The following MLIP variants were observed in gnomAD, a reference collection of about 807,000 sequenced individuals.
MLIP encodes the protein muscular LMNA interacting protein.
Under a neutral mutation model 84.8 loss-of-function variants are expected in MLIP, and 79 were observed. The ratio of observed to expected loss-of-function variants is 0.93; its 90% CI spans 0.78 to 1.12. MLIP has a LOEUF of 1.12. Among genes scored for constraint, MLIP ranks in the 50% most tolerant of loss-of-function variants. The probability of loss-of-function intolerance (pLI) is 0.00; values close to 1 mark genes in which losing one functional copy is unlikely to be tolerated. For synonymous variants in MLIP, 504 were observed against 463.0 expected (o/e 1.09, Z -1.14); for missense variants, 1,257 against 1,160.6 (o/e 1.08, Z -1.21).
chr6:54,131,322 A>G (rs1771358472), intron 3 of MLIP, among the ~76,000 whole-genome samples: 1 of 152,206 alleles, frequency 6.6e-6, no homozygotes, highest in Non-Finnish European at 1.5e-5. Flanking sequence ...TAAAGCCAGC[A>G]ACAGAGAAAA....
intron 1 of MLIP, among the ~76,000 whole-genome samples, chr6:54,036,875 G>A (rs190564228): frequency 8.5e-5 from 13 of 152,104 alleles, no homozygotes; most frequent in Non-Finnish European, 7.4e-5. Flanking sequence ...TTGGGTCTCT[G>A]ATATGTTTTT....
chr6:54,108,895 C>T (rs994291225), upstream of MLIP, among the ~76,000 whole-genome samples: 1 of 151,930 alleles, frequency 6.6e-6, no homozygotes. Context: ...CGTTTGAATC[C>T]ACCTGGAATA....
At position 54,160,773 on chromosome 6, in the gene MLIP, A is replaced by G. The variant is rs1271166030; in HGVS notation, c.2473A>G (p.Thr825Ala). The G allele has an allele frequency of 1.2e-6, 2 of 1,604,772 alleles. No homozygotes were observed. The highest frequency in any genetic ancestry group is 8.5e-7 in the Non-Finnish European group (1 of 1,172,762). Reference protein sequence around the residue: ...SSDSPSRSPKTLLGSDTVKTP... With the variant: ...SSDSPSRSPKALLGSDTVKTP... ...TGATTCTCCTTCAAGGTCCCCAAAG[A>G]CATTGTTGGGTTCTGACACAGTCAA... is the stretch of plus-strand genomic sequence containing the variant. Residue 825 changes from threonine (T) to alanine (A), a missense_variant, in exon 8 of 14, where the codon ACA becomes GCA. Coordinates refer to ENST00000502396, the MANE Select transcript of MLIP (RefSeq NM_001281747.2).
At chr6:54,217,359 T>A in intron 11 of MLIP, 1 of 985,426 alleles carries the variant, frequency 1.0e-6, no homozygotes, top group Non-Finnish European at 1.2e-6. Flanking sequence ...CCTTTGATGT[T>A]GCAATGGAAA....
chr6:54,219,346 T>C (rs925485339), intron 11 of MLIP, among the ~76,000 whole-genome samples: 5 of 146,796 alleles, frequency 3.4e-5, no homozygotes, highest in African/African-American at 1.3e-4. Context: ...GGATTTTTTT[T>C]CTTTTTTTTT....
intron 1 of MLIP, chr6:54,019,158 T>A: frequency 1.3e-6 from 2 of 1,524,372 alleles, no homozygotes; most frequent in Non-Finnish European, 1.8e-6. Flanking sequence ...GCAACTGTCA[T>A]AGACTGGAAA....
At chr6:54,150,304 T>C (rs186326071) in intron 5 of MLIP, among the ~76,000 whole-genome samples, 4 of 152,286 alleles carry the variant, frequency 2.6e-5, no homozygotes, top group Admixed American at 1.3e-4. Context: ...CCCTAGCATC[T>C]CTCCTGAATT....
At chr6:54,132,790 A>G (rs1771491074) in intron 3 of MLIP, among the ~76,000 whole-genome samples, 1 of 152,186 alleles carries the variant, frequency 6.6e-6, no homozygotes, top group Admixed American at 6.5e-5. Flanking sequence ...TGAATTGAGA[A>G]AACCTCCCCT....
chr6:54,222,091 G>A (rs1395731127), intron 11 of MLIP, among the ~76,000 whole-genome samples: 1 of 151,854 alleles, frequency 6.6e-6, no homozygotes, highest in Non-Finnish European at 1.5e-5. Context: ...ATTAAAAATT[G>A]TATATATTTT....
At chr6:54,153,618 A>G (rs1163896870) in intron 5 of MLIP, among the ~76,000 whole-genome samples, 2 of 151,942 alleles carry the variant, frequency 1.3e-5, no homozygotes, top group African/African-American at 4.8e-5. Context: ...GAGGCCGAGG[A>G]GGGTGGATCA....
rs190261722 is a variant in MLIP, at chr6:54,102,057, C to A, written c.64-19390C>A. Among the ~76,000 whole-genome samples the A allele has an allele frequency of 2.8e-4, 43 of 152,222 alleles. 1 individual carries two copies. The highest frequency in any genetic ancestry group is 9.4e-4 in the African/African-American group (39 of 41,560). ...GTATTTCTGCCCTTCTTATCACCTT[C>A]CTATAAATGTATATCTCTAAAGTAA... is the stretch of plus-strand genomic sequence containing the variant. On this transcript the variant is annotated intron_variant, in intron 1 of 12. Coordinates refer to the MLIP transcript ENST00000274897.
chr6:54,177,953 C>T (rs1776465347), intron 9 of MLIP, among the ~76,000 whole-genome samples: 2 of 152,096 alleles, frequency 1.3e-5, no homozygotes, highest in Admixed American at 1.3e-4. Context: ...AACAGAAAAC[C>T]AAACACCACA....
At chr6:54,224,445 C>T (rs1040171560) in intron 11 of MLIP, among the ~76,000 whole-genome samples, 1 of 151,784 alleles carries the variant, frequency 6.6e-6, no homozygotes, top group Admixed American at 6.6e-5. Context: ...AAAAGTTACC[C>T]TCAAAAAGCT....
chr6:54,252,083 A>ACTATAT (rs1782620775), intron 12 of MLIP, among the ~76,000 whole-genome samples: 5 of 82,276 alleles, frequency 6.1e-5, no homozygotes, highest in African/African-American at 2.5e-4. Context: ...ATAATATATA[A>ACTATAT]TATAAATATA....
chr6:54,091,551 T>C (rs555505027), intron 1 of MLIP, among the ~76,000 whole-genome samples: 10 of 152,236 alleles, frequency 6.6e-5, no homozygotes, highest in African/African-American at 2.2e-4. Context: ...GTCTTGCCTA[T>C]AGGATAGAAG....
intron 12 of MLIP, among the ~76,000 whole-genome samples, chr6:54,255,039 T>C (rs547542519): frequency 1.3e-5 from 2 of 152,108 alleles, no homozygotes; most frequent in Non-Finnish European, 2.9e-5. Flanking sequence ...TTCATAGTTA[T>C]ACCAGCCAGC....
rs115100041 is a variant in MLIP at position 54,063,080 on chromosome 6, C to A, written c.63+43989C>A. Reference sequence around the variant, plus strand: ...AATTATCCGGTCGTGGTGGCGTACGCCTGTAATCCCAGCTACTTGGGAGGC... The same window carrying A: ...AATTATCCGGTCGTGGTGGCGTACGACTGTAATCCCAGCTACTTGGGAGGC... On this transcript the variant is annotated intron_variant, in intron 1 of 12. Transcript: ENST00000274897. Among the ~76,000 whole-genome samples, 1,169 of 152,152 alleles carry A rather than the reference C, an allele frequency of 7.7e-3. 13 individuals are homozygous for A. Among genetic ancestry groups the A allele is most frequent in the Middle Eastern group, 0.027 (8 of 294 alleles).
intron 13 of MLIP, among the ~76,000 whole-genome samples, chr6:54,260,752 T>A (rs760797995): frequency 3.4e-4 from 51 of 152,156 alleles, no homozygotes; most frequent in Middle Eastern, 3.4e-3. Flanking sequence ...TGTGTTGAGA[T>A]CCACTGTAAT....
chr6:54,260,789 T>G (rs1174188748), intron 13 of MLIP, among the ~76,000 whole-genome samples: 1 of 152,012 alleles, frequency 6.6e-6, no homozygotes, highest in Admixed American at 6.6e-5. Flanking sequence ...AATACTTTAT[T>G]TTTGTTTGCC....
Sources: gnomAD v4.1 joint callset for allele counts (sites outside exome capture counted in the v4.1 genomes callset) on GRCh38, gnomAD v4.1.1 for gene constraint, MANE v1.5 for transcripts, NCBI Gene and HGNC (gene_info 2026-07-23, HGNC 2026-07-21) for gene names.